The following GUCY1A2 variants were observed in gnomAD, a reference collection of about 807,000 sequenced individuals.
GUCY1A2 encodes the protein guanylate cyclase 1 soluble subunit alpha 2.
Under a neutral mutation model 63.5 loss-of-function variants are expected in GUCY1A2, and 27 were observed. The observed-to-expected ratio is 0.43, with a 90% CI of 0.31 to 0.59. The LOEUF (loss-of-function observed/expected upper bound fraction) is 0.59, where lower values mean the gene tolerates loss of function less well. Ranked by LOEUF, GUCY1A2 falls within the 20% of genes least tolerant of loss-of-function variation. The pLI is 0.11. For missense variants in GUCY1A2, 768 were observed against 913.3 expected (o/e 0.84, Z 2.05); for synonymous variants, 364 against 343.5 (o/e 1.06, Z -0.66).
intron 6 of GUCY1A2, among the ~76,000 whole-genome samples, chr11:106,763,023 T>G (rs1864091652): frequency 1.3e-5 from 2 of 152,098 alleles, no homozygotes; most frequent in Non-Finnish European, 2.9e-5. Context: ...TTATGAGTTA[T>G]TTTAAGTATA....
At chr11:106,851,910 G>C (rs1390640651) in intron 4 of GUCY1A2, among the ~76,000 whole-genome samples, 1 of 151,872 alleles carries the variant, frequency 6.6e-6, no homozygotes, top group Non-Finnish European at 1.5e-5. Context: ...TTTTGATAGA[G>C]ATTGCATTCA....
intron 7 of GUCY1A2, among the ~76,000 whole-genome samples, chr11:106,694,452 A>G (rs1419650521): frequency 6.6e-6 from 1 of 152,206 alleles, no homozygotes; most frequent in East Asian, 1.9e-4. Context: ...GTTCTGAGTA[A>G]TTATTAGGCT....
chr11:106,891,573 T>C (rs1294808534), intron 4 of GUCY1A2, among the ~76,000 whole-genome samples: 1 of 152,182 alleles, frequency 6.6e-6, no homozygotes, highest in Non-Finnish European at 1.5e-5. Context: ...ATGTCTATGA[T>C]CCATCTTGAA....
rs1423308888 is a variant in GUCY1A2, at chr11:106,944,232, A to AG, written c.488-4055_488-4054insC. 1.4e-5 allele frequency among the ~76,000 whole-genome samples: 2 copies of AG among 143,554 alleles called. 1 individual carries two copies. The highest frequency in any genetic ancestry group is 4.0e-4 in the East Asian group (2 of 5,016). The allele number at this position is 143,554 out of a possible 152,430, so 94.2% of individuals were successfully genotyped here. ...CCTGTCTCCAAAAAAAAAAAAAAAA[A>AG]AAAAGCAGGTGGTCCCAGCCTGGGC... On this transcript the variant is annotated intron_variant, in intron 3 of 7. Transcript: ENST00000526355.
Position 106,879,444 on chromosome 11 carries a change from G to C in GUCY1A2, c.1206+60016C>G, listed in dbSNP as rs528892724. On this transcript the variant is annotated intron_variant, in intron 4 of 7. Coordinates refer to ENST00000526355, the MANE Select transcript of GUCY1A2 (RefSeq NM_000855.3). ...GAAAAGCTTTAGGAGTTTAGATATG[G>C]AAGAGTTAAGTTTGTTGGGTGATTC... 8.5e-5 allele frequency among the ~76,000 whole-genome samples: 13 copies of C among 152,188 alleles called. No individual in the cohort carries two copies. In the South Asian group the frequency reaches 2.5e-3, roughly 29 times the overall value.
chr11:106,742,236 A>G (rs1404923192), intron 6 of GUCY1A2, among the ~76,000 whole-genome samples: 1 of 152,116 alleles, frequency 6.6e-6, no homozygotes, highest in Non-Finnish European at 1.5e-5. Context: ...GGTTTGTTAC[A>G]CAGATAAACA....
At chr11:106,814,416 G>C (rs1858804213) in intron 4 of GUCY1A2, among the ~76,000 whole-genome samples, 2 of 152,062 alleles carry the variant, frequency 1.3e-5, no homozygotes, top group South Asian at 4.1e-4. Context: ...AAAAAAGCAG[G>C]AGACAGTGCC....
At chr11:106,711,724 G>C (rs1863123161) in intron 6 of GUCY1A2, among the ~76,000 whole-genome samples, 1 of 151,834 alleles carries the variant, frequency 6.6e-6, no homozygotes, top group South Asian at 2.1e-4. Context: ...TATACTGTAG[G>C]CCCACTGATA....
chr11:106,947,420 C>T (rs1370758489), intron 3 of GUCY1A2, among the ~76,000 whole-genome samples: 2 of 151,716 alleles, frequency 1.3e-5, no homozygotes, highest in South Asian at 2.1e-4. Flanking sequence ...TTAATGTGTC[C>T]TTTTGAGAAA....
At chr11:106,827,584 T>C in intron 4 of GUCY1A2, 1 of 1,458,350 alleles carries the variant, frequency 6.9e-7, no homozygotes, top group Non-Finnish European at 9.6e-7. Flanking sequence ...ACATGCTGAT[T>C]GCCATCTTCT....
intron 4 of GUCY1A2, among the ~76,000 whole-genome samples, chr11:106,878,576 T>A (rs561056660): frequency 6.6e-6 from 1 of 151,558 alleles, no homozygotes; most frequent in Non-Finnish European, 1.5e-5. Context: ...AGCCAAAAGA[T>A]CAAAACACAT....
At chr11:106,764,028 T>A (rs2135393552) in intron 6 of GUCY1A2, among the ~76,000 whole-genome samples, 1 of 152,228 alleles carries the variant, frequency 6.6e-6, no homozygotes, top group South Asian at 2.1e-4. Context: ...ATTTCTTCTA[T>A]TTTTTATAAA....
intron 4 of GUCY1A2, among the ~76,000 whole-genome samples, chr11:106,879,989 C>A (rs1859801936): frequency 6.6e-6 from 1 of 151,916 alleles, no homozygotes; most frequent in African/African-American, 2.4e-5. Flanking sequence ...TTAACCATAC[C>A]CTTAGAATGA....
rs769150259 is a variant in GUCY1A2, at chr11:106,810,140, T to A, written c.1545A>T (p.Arg515Ser). The A allele has an allele frequency of 6.2e-7, 1 of 1,614,038 alleles. No homozygotes were observed. The highest frequency in any genetic ancestry group is 1.1e-5 in the South Asian group (1 of 91,084). ...AGAGCATGGTGACATCATCAAACTTTCTGGCCTGTACTTGCTGCCCTTGCC... is the reference window on the plus strand; with the variant it reads ...AGAGCATGGTGACATCATCAAACTTACTGGCCTGTACTTGCTGCCCTTGCC... Reference protein sequence around the residue: ...QLWQGQQVQARKFDDVTMLFS... With the variant: ...QLWQGQQVQASKFDDVTMLFS... The change falls in exon 5 of 8, where the codon AGA becomes AGT. Residue 515 changes from arginine (R) to serine (S), a missense_variant. This residue lies in a region of GUCY1A2 where 122 missense variants were observed against 238.1 expected (regional missense o/e 0.51). Transcript: ENST00000526355.
At chr11:106,936,335 T>C (rs1860676859) in intron 4 of GUCY1A2, among the ~76,000 whole-genome samples, 1 of 152,216 alleles carries the variant, frequency 6.6e-6, no homozygotes, top group African/African-American at 2.4e-5. Context: ...TTGATATACA[T>C]GGAATGAAAG....
intron 1 of GUCY1A2, among the ~76,000 whole-genome samples, chr11:107,012,260 C>CT (rs371100294): frequency 0.7 from 98,195 of 141,138 alleles, 34,152 homozygotes; most frequent in East Asian, 0.76. Context: ...CTTCTTATTA[C>CT]TTTTTTTTTT....
intron 4 of GUCY1A2, among the ~76,000 whole-genome samples, chr11:106,855,162 T>C (rs1565310941): frequency 6.6e-6 from 1 of 152,044 alleles, no homozygotes; most frequent in Non-Finnish European, 1.5e-5. Flanking sequence ...GTGAGTTCCC[T>C]CTCTGCAACA....
chr11:106,830,828 T>C (rs1196653624), intron 4 of GUCY1A2, among the ~76,000 whole-genome samples: 1 of 152,158 alleles, frequency 6.6e-6, no homozygotes, highest in Non-Finnish European at 1.5e-5. Context: ...AAATAATACA[T>C]ATCAAAAGCA....
At chr11:106,950,769 T>G (rs1311176242) in intron 3 of GUCY1A2, among the ~76,000 whole-genome samples, 1 of 152,182 alleles carries the variant, frequency 6.6e-6, no homozygotes, top group Non-Finnish European at 1.5e-5. Context: ...AATGGTCACT[T>G]TTTTAAATTT....
Sources: gnomAD v4.1 joint callset for allele counts (sites outside exome capture counted in the v4.1 genomes callset) on GRCh38, gnomAD v4.1.1 for gene constraint, gnomAD v4.1.1 regional missense constraint, MANE v1.5 for transcripts, NCBI Gene and HGNC (gene_info 2026-07-23, HGNC 2026-07-21) for gene names.